MAP4K4: variants seen among roughly 807,000 people sequenced by gnomAD.
MAP4K4 encodes the protein mitogen-activated protein kinase kinase kinase kinase 4, also known as HPK/GCK-like kinase HGK.
Under a neutral mutation model 189.6 loss-of-function variants are expected in MAP4K4, and 38 were observed. The observed-to-expected ratio is 0.20, with a 90% CI of 0.15 to 0.26. The LOEUF is 0.26. MAP4K4 is among the 10% of genes least tolerant of loss of function. The pLI is 1.00. For synonymous variants in MAP4K4, 610 were observed against 624.3 expected (o/e 0.98, Z 0.34); for missense variants, 1,054 against 1,726.9 (o/e 0.61, Z 6.91).
chr2:101,788,547 T>G (rs1475819267), intron 2 of MAP4K4, among the ~76,000 whole-genome samples: 4 of 152,258 alleles, frequency 2.6e-5, no homozygotes, highest in Admixed American at 1.3e-4. Flanking sequence ...GGCAGAATTC[T>G]TAGATGATTT....
intron 27 of MAP4K4, among the ~76,000 whole-genome samples, chr2:101,878,864 G>A (rs1188127911): frequency 1.3e-5 from 2 of 152,048 alleles, no homozygotes; most frequent in African/African-American, 4.8e-5. Context: ...TCTAATATAT[G>A]CTTTGGTTGT....
intron 2 of MAP4K4, among the ~76,000 whole-genome samples, chr2:101,784,441 C>T (rs2089607583): frequency 6.6e-6 from 1 of 152,090 alleles, no homozygotes. Flanking sequence ...CATTAATAGG[C>T]TTCACTATTA....
Position 101,844,354 on chromosome 2 carries a change from T to A in MAP4K4, c.1233+43T>A, listed in dbSNP as rs975385690. On this transcript the variant is annotated intron_variant, in intron 12 of 32. Transcript: ENST00000324219. ...TCCAAGTTGGTTGGTCTTTTCTCTT[T>A]CTGCATTTACACTGGTAGTTAGCCA... is the stretch of plus-strand genomic sequence containing the variant. 5 of 1,518,180 alleles carry A rather than the reference T, an allele frequency of 3.3e-6. No individual in the cohort carries two copies. In the African/African-American group the frequency reaches 5.5e-5, roughly 17 times the overall value. 94.0% of individuals were successfully genotyped at this position (1,518,180 alleles called of 1,614,324 possible). A position where few individuals can be genotyped will look rare whatever the true frequency, so the allele number is the denominator to read the frequency against.
intron 3 of MAP4K4, among the ~76,000 whole-genome samples, chr2:101,818,480 C>T (rs554538303): frequency 1.2e-4 from 18 of 152,310 alleles, no homozygotes; most frequent in African/African-American, 3.8e-4. Context: ...TTCCAGTCCT[C>T]TTGGATTCCA....
At chr2:101,844,075 C>T in intron 11 of MAP4K4, 26 bp from the exon 12 acceptor site, 1 of 1,563,250 alleles carries the variant, frequency 6.4e-7, no homozygotes, top group Non-Finnish European at 8.8e-7. Context: ...GGTGCACACC[C>T]CTGAAAGCCC....
chr2:101,865,038 TA>T lies in MAP4K4; in HGVS notation c.2204+6del. On this transcript the variant is annotated splice_donor_region_variant and intron_variant, in intron 18 of 32. Coordinates refer to ENST00000324219, the Ensembl canonical transcript of MAP4K4. ...GGCAGGACAGAGAAACTCCACCAGG[TA>T]AAAGACAAGTGAGCACTGAGAACAG... The T allele has an allele frequency of 6.4e-7, 1 of 1,550,994 alleles. No homozygotes were observed. The highest frequency in any genetic ancestry group is 8.7e-7 in the Non-Finnish European group (1 of 1,143,498).
At chr2:101,867,910 C>A in intron 20 of MAP4K4, 119 bp from the exon 21 acceptor site, 1 of 957,094 alleles carries the variant, frequency 1.0e-6, no homozygotes, top group Non-Finnish European at 1.6e-6. Flanking sequence ...TTTTCATTTC[C>A]TGCTTGAACT....
chr2:101,880,510 T>A (rs1308702495), intron 27 of MAP4K4, among the ~76,000 whole-genome samples: 1 of 151,778 alleles, frequency 6.6e-6, no homozygotes, highest in Non-Finnish European at 1.5e-5. Context: ...TGTATAGTTC[T>A]ATTTTTTTTT....
chr2:101,744,143 C>G (rs1259204355), intron 2 of MAP4K4, among the ~76,000 whole-genome samples: 1 of 152,160 alleles, frequency 6.6e-6, no homozygotes, highest in African/African-American at 2.4e-5. Flanking sequence ...CTTCAAGCCT[C>G]CAGAGCAGCA....
chr2:101,729,095 A>AGTGT (rs2057109541), intron 2 of MAP4K4, among the ~76,000 whole-genome samples: 1 of 102,472 alleles, frequency 9.8e-6, no homozygotes, highest in Non-Finnish European at 2.0e-5. Context: ...AGAGAGAGAG[A>AGTGT]GAGAGAGTGT....
At chr2:101,797,888 A>ATTTTTTTTTTTT (rs1558971586) in intron 3 of MAP4K4, among the ~76,000 whole-genome samples, 1 of 7,614 alleles carries the variant, frequency 1.3e-4, no homozygotes, top group Non-Finnish European at 2.3e-4. Flanking sequence ...ACATTCTTTT[A>ATTTTTTTTTTTT]GTTTTTTTTT....
At chr2:101,738,241 T>G (rs573699420) in intron 2 of MAP4K4, among the ~76,000 whole-genome samples, 1 of 152,128 alleles carries the variant, frequency 6.6e-6, no homozygotes, top group Non-Finnish European at 1.5e-5. Flanking sequence ...AAGAGTACCA[T>G]ATATGATTTC....
chr2:101,765,351 TTTTG>T (rs1337534443), intron 2 of MAP4K4, among the ~76,000 whole-genome samples: 4 of 152,172 alleles, frequency 2.6e-5, no homozygotes, highest in Non-Finnish European at 5.9e-5. Context: ...ATGAAGTATT[TTTTG>T]TTTGTGTGTT....
chr2:101,837,146 G>A (rs1391903534), intron 9 of MAP4K4, among the ~76,000 whole-genome samples: 1 of 136,842 alleles, frequency 7.3e-6, no homozygotes, highest in Non-Finnish European at 1.5e-5. Flanking sequence ...TCCAATTGAT[G>A]CTGCCTCCTC....
intron 2 of MAP4K4, among the ~76,000 whole-genome samples, chr2:101,785,682 C>CTTTTCCTTTTTTGAGTTGGAG (rs1558913111): frequency 0.067 from 68 of 1,018 alleles, no homozygotes; most frequent in East Asian, 0.12. Flanking sequence ...TTCTCCCTCT[C>CTTTTCCTTTTTTGAGTTGGAG]TCTCTCTCTC....
At chr2:101,872,692 G>A (rs964217683) in intron 24 of MAP4K4, among the ~76,000 whole-genome samples, 2 of 152,142 alleles carry the variant, frequency 1.3e-5, no homozygotes, top group Non-Finnish European at 2.9e-5. Context: ...GAAGCTGCCA[G>A]GGGACAGATG....
chr2:101,892,488 T>C (rs1398364241), exon 33 of MAP4K4: 1 of 181,654 alleles, frequency 5.5e-6, no homozygotes, highest in African/African-American at 2.4e-5. Flanking sequence ...CAAGATCTCA[T>C]TGTTCTCGAT....
chr2:101,807,947 C>T (rs983667726), intron 3 of MAP4K4, among the ~76,000 whole-genome samples: 1 of 152,236 alleles, frequency 6.6e-6, no homozygotes, highest in Admixed American at 6.5e-5. Context: ...ATCTAGTTAC[C>T]TCCAGGCCCT....
intron 3 of MAP4K4, among the ~76,000 whole-genome samples, chr2:101,822,079 T>C (rs987004714): frequency 6.6e-6 from 1 of 152,220 alleles, no homozygotes. Context: ...TAGGGATACC[T>C]CTTGAAGGAT....
Sources: allele counts gnomAD v4.1 joint callset (sites outside exome capture counted in the v4.1 genomes callset), GRCh38; gene constraint gnomAD v4.1.1; transcripts MANE v1.5; gene names NCBI Gene and HGNC (gene_info 2026-07-23, HGNC 2026-07-21).